The following PCDHGA6 variants were observed in gnomAD, a reference collection of about 807,000 sequenced individuals.
PCDHGA6 encodes protocadherin gamma-A6.
PCDHGA6 carries 41 observed loss-of-function variants against 60.6 expected under a neutral mutation model. The ratio of observed to expected loss-of-function variants is 0.68; its 90% CI spans 0.53 to 0.88. The LOEUF (loss-of-function observed/expected upper bound fraction) is 0.88. PCDHGA6 is among the 40% of genes least tolerant of loss of function. PCDHGA6 has a pLI of 0.00. For missense variants in PCDHGA6, 1,312 were observed against 1,203.0 expected, an observed-to-expected ratio of 1.09 and a Z score of -1.34; for synonymous variants, 594 against 524.4, an observed-to-expected ratio of 1.13 and a Z score of -1.81.
At chr5:141,409,200 T>A in intron 1 of PCDHGA6, 1 of 1,614,020 alleles carries the variant, frequency 6.2e-7, no homozygotes, top group Non-Finnish European at 8.5e-7. Flanking sequence ...CAGTGTAAAG[T>A]AATCATAGAA....
rs1561563298 is a variant in PCDHGA6, at chr5:141,374,557, T to C, written c.474T>C (p.Tyr158=). 1.9e-6 allele frequency: 3 copies of C among 1,613,702 alleles called. No individual in the cohort carries two copies. The part of the protein sequence containing the change: ...PSSRFPLMEV[Y]DPDVGMNSLQ... ...CTCGTTTTCCACTAATGGAGGTCTA[T>C]GACCCTGATGTGGGAATGAACTCCC... The change falls in exon 1 of 4, where the codon TAT becomes TAC. Residue 158 remains tyrosine (Y), a synonymous_variant. Transcript: ENST00000517434.
intron 1 of PCDHGA6, chr5:141,390,457 G>T: frequency 1.3e-6 from 1 of 767,062 alleles, no homozygotes; most frequent in South Asian, 1.9e-5. Flanking sequence ...GAGTAAAGTA[G>T]GAGCAATTGT....
chr5:141,403,741 T>G, intron 1 of PCDHGA6: 1 of 1,613,906 alleles, frequency 6.2e-7, no homozygotes. Context: ...GGCTGCTTAC[T>G]GCAACAGCCA....
chr5:141,406,481 T>C (rs2094814987), intron 1 of PCDHGA6, among the ~76,000 whole-genome samples: 2 of 152,242 alleles, frequency 1.3e-5, no homozygotes, highest in Admixed American at 6.5e-5. Flanking sequence ...GGTTATATTT[T>C]TCAGATCACA....
chr5:141,507,097 A>G (rs1343795018), intron 3 of PCDHGA6: 1 of 152,082 alleles, frequency 6.6e-6, no homozygotes, highest in African/African-American at 2.4e-5. Flanking sequence ...TGCTCTTTCT[A>G]CTATAGGGAC....
rs140056243 is a variant in PCDHGA6 at position 141,487,386 on chromosome 5, G to A, written c.2425-7421G>A. 21 of 1,614,046 alleles carry A rather than the reference G, an allele frequency of 1.3e-5. No individual in the cohort carries two copies. The highest frequency in any genetic ancestry group is 4.0e-5 in the African/African-American group (3 of 74,920). On this transcript the variant is annotated intron_variant, in intron 1 of 3. Coordinates refer to ENST00000517434, the MANE Select transcript of PCDHGA6 (RefSeq NM_018919.3). The surrounding 1 kb of genome is among the most constrained non-coding windows in gnomAD (Gnocchi z 5.0). Reference sequence around the variant, plus strand: ...ACCTGTGCCTGTCTCACCAGATCTCGAAGGAGGGAGGGGCTTCCCCCTTCC... The same window carrying A: ...ACCTGTGCCTGTCTCACCAGATCTCAAAGGAGGGAGGGGCTTCCCCCTTCC...
intron 1 of PCDHGA6, chr5:141,391,730 G>T (rs1334378138): frequency 1.3e-5 from 2 of 152,140 alleles, no homozygotes; most frequent in African/African-American, 4.8e-5. Flanking sequence ...AGACTTTTTT[G>T]TAGTCATACT....
chr5:141,393,603 G>C, intron 1 of PCDHGA6: 1 of 1,613,928 alleles, frequency 6.2e-7, no homozygotes, highest in East Asian at 2.2e-5. Flanking sequence ...GCTGCTTACT[G>C]TAACAGCCAG....
In PCDHGA6 at chr5:141,431,538, AGCTGCTTGTAGTCAAC is replaced by A; in HGVS notation, c.2424+55035_2424+55050del. 2 of 1,614,114 alleles carry A rather than the reference AGCTGCTTGTAGTCAAC, an allele frequency of 1.2e-6. No homozygotes were observed. Among genetic ancestry groups the A allele is most frequent in the Non-Finnish European group, 1.7e-6 (2 of 1,180,024 alleles). ...CCGGAGAATCTGGCCTTGGGCACGC[AGCTGCTTGTAGTCAAC>A]GCTACCGACCCTGACGAAGGAGTCA... On this transcript the variant is annotated intron_variant, in intron 1 of 3. Coordinates refer to ENST00000517434, the MANE Select transcript of PCDHGA6 (RefSeq NM_018919.3). This position sits in a 1 kb window ranked among gnomAD's most constrained non-coding sequence, Gnocchi z 4.8.
At chr5:141,420,420 CAA>C (rs1462714732) in intron 1 of PCDHGA6, 2 of 1,201,950 alleles carry the variant, frequency 1.7e-6, no homozygotes, top group African/African-American at 3.2e-5. Context: ...ATTATTAAAA[CAA>C]AAGTTTAAAT....
intron 1 of PCDHGA6, among the ~76,000 whole-genome samples, chr5:141,434,530 A>G (rs1241680580): frequency 6.6e-6 from 1 of 152,226 alleles, no homozygotes; most frequent in African/African-American, 2.4e-5. Flanking sequence ...CTTAAACCAC[A>G]AACAATAGCA....
intron 1 of PCDHGA6, chr5:141,427,531 A>C: frequency 1.6e-6 from 1 of 620,632 alleles, no homozygotes. Flanking sequence ...ATCCCGGAGT[A>C]CAACGTCACC....
At chr5:141,464,978 GT>G in intron 1 of PCDHGA6, among the ~76,000 whole-genome samples, 1 of 152,148 alleles carries the variant, frequency 6.6e-6, no homozygotes, top group East Asian at 1.9e-4. Context: ...CTGGCTTCAA[GT>G]GATCCTCCCA....
chr5:141,427,912 A>T (rs1268491054), intron 1 of PCDHGA6: 2 of 1,577,806 alleles, frequency 1.3e-6, no homozygotes, highest in Admixed American at 3.3e-5. Flanking sequence ...CTCAGCGCCA[A>T]CATGAGCCGG....
chr5:141,439,470 T>C (rs1357441747), intron 1 of PCDHGA6, among the ~76,000 whole-genome samples: 1 of 152,220 alleles, frequency 6.6e-6, no homozygotes, highest in African/African-American at 2.4e-5. Flanking sequence ...CTGCTGCCTT[T>C]CAGCTTGCAA....
intron 1 of PCDHGA6, among the ~76,000 whole-genome samples, chr5:141,465,984 T>C (rs11953841): frequency 0.18 from 27,399 of 151,848 alleles, 2,640 homozygotes; most frequent in Admixed American, 0.28. Context: ...TAGCCGGGCA[T>C]GGTGGCAGGC....
At chr5:141,426,022 T>A (rs1174153557) in intron 1 of PCDHGA6, among the ~76,000 whole-genome samples, 3 of 152,204 alleles carry the variant, frequency 2.0e-5, no homozygotes, top group Admixed American at 2.0e-4. Flanking sequence ...GTTTTCTAAA[T>A]AGACTCAGAG....
Position 141,374,951 on chromosome 5 carries a change from C to G in PCDHGA6, c.868C>G (p.Gln290Glu), listed in dbSNP as rs780549456. The change falls in exon 1 of 4, where the codon CAA becomes GAA. Residue 290 changes from glutamine (Q) to glutamate (E), a missense_variant. Coordinates refer to ENST00000517434, the MANE Select transcript of PCDHGA6 (RefSeq NM_018919.3). ...SFVKITEKIS[Q>E]IFCLNVLTGE... ...TGTGAAGATTACAGAAAAGATCTCA[C>G]AAATTTTCTGTTTGAATGTTTTGAC... 22 of 1,613,900 alleles carry G rather than the reference C, an allele frequency of 1.4e-5. No homozygotes were observed. The highest frequency in any genetic ancestry group is 1.7e-5 in the Admixed American group (1 of 60,012).
In PCDHGA6 at chr5:141,399,479, C is replaced by T. The variant is rs774561101; in HGVS notation, c.2424+22972C>T. 3 of 1,614,032 alleles carry T rather than the reference C, an allele frequency of 1.9e-6. No individual in the cohort carries two copies. In the Admixed American group the frequency reaches 5.0e-5, roughly 27 times the overall value. On this transcript the variant is annotated intron_variant, in intron 1 of 3. Transcript: ENST00000517434. ...GATAACGCTCCGGTTTTCCACCAGG[C>T]GTCCTACTTAGTCAGTGTACCCGAA...
Sources: gnomAD v4.1 joint callset for allele counts (sites outside exome capture counted in the v4.1 genomes callset) on GRCh38, gnomAD v4.1.1 for gene constraint, Gnocchi (gnomAD v3.1) non-coding constraint, MANE v1.5 for transcripts, NCBI Gene and HGNC (gene_info 2026-07-23, HGNC 2026-07-21) for gene names.